The following KLHL32 variants were observed in gnomAD, a reference collection of about 807,000 sequenced individuals.
KLHL32 encodes kelch-like protein 32.
A neutral mutation model predicts 64.8 loss-of-function variants in KLHL32; 35 were observed. The ratio of observed to expected loss-of-function variants is 0.54; its 90% CI spans 0.41 to 0.72. The LOEUF is 0.72. Ranked by LOEUF, KLHL32 falls within the 30% of genes least tolerant of loss-of-function variation. The pLI is 0.00. For missense variants in KLHL32, 589 were observed against 768.5 expected (o/e 0.77, Z 2.76); for synonymous variants, 259 against 281.0 (o/e 0.92, Z 0.78).
chr6:96,925,133 C>G (rs983622324), intron 1 of KLHL32, 107 bp downstream of exon 1: 11 of 152,480 alleles, frequency 7.2e-5, no homozygotes, highest in African/African-American at 2.4e-4. Flanking sequence ...ATTTCAGGGG[C>G]TTGCAGCCCA....
At chr6:96,905,181 G>GA in the KLHL32 span, among the ~76,000 whole-genome samples, 2 of 151,468 alleles carry the variant, frequency 1.3e-5, no homozygotes, top group South Asian at 2.1e-4. Context: ...TTGGCACAGG[G>GA]AAAAAAAAGT....
At chr6:97,024,711 G>C (rs1258508348) in intron 3 of KLHL32, among the ~76,000 whole-genome samples, 1 of 152,072 alleles carries the variant, frequency 6.6e-6, no homozygotes, top group Non-Finnish European at 1.5e-5. Context: ...TAATGGTGAA[G>C]TCTGGTCTAC....
intron 10 of KLHL32, among the ~76,000 whole-genome samples, chr6:97,134,871 C>T (rs13212860): frequency 0.087 from 13,202 of 152,064 alleles, 1,069 homozygotes; most frequent in African/African-American, 0.22. Context: ...AAAAAAACTT[C>T]GTAGTCGCAT....
At chr6:96,995,298 C>T (rs1778292466) in intron 3 of KLHL32, among the ~76,000 whole-genome samples, 1 of 152,216 alleles carries the variant, frequency 6.6e-6, no homozygotes, top group Admixed American at 6.5e-5. Flanking sequence ...TGCAGGTTCA[C>T]TCACTTTTTG....
intron 4 of KLHL32, among the ~76,000 whole-genome samples, chr6:97,046,563 A>G (rs920325785): frequency 6.6e-6 from 1 of 152,232 alleles, no homozygotes; most frequent in Admixed American, 6.5e-5. Flanking sequence ...TCTTTGCCAC[A>G]GAGTAGAAGT....
intron 4 of KLHL32, among the ~76,000 whole-genome samples, chr6:97,064,399 A>G (rs968224695): frequency 6.6e-6 from 1 of 152,224 alleles, no homozygotes; most frequent in Non-Finnish European, 1.5e-5. Flanking sequence ...ACACACACAA[A>G]TGGTATCAGC....
chr6:97,101,044 G>C (rs1180013878), intron 6 of KLHL32, among the ~76,000 whole-genome samples: 1 of 146,366 alleles, frequency 6.8e-6, no homozygotes, highest in African/African-American at 2.6e-5. Context: ...CTGGGCTCAG[G>C]CAATCCTCCC....
Position 96,957,558 on chromosome 6 carries a change from A to G in KLHL32, c.-65-9438A>G, listed in dbSNP as rs1773417829. ...TGTGAAAGCTTTAAGAAATTCCTTA[A>G]TAAAAAAATTTTCATAGCAATATTT... On this transcript the variant is annotated intron_variant, in intron 1 of 10. Transcript: ENST00000369261. Among the ~76,000 whole-genome samples the G allele has an allele frequency of 2.0e-5, 3 of 152,216 alleles. No individual in the cohort carries two copies. In the South Asian group the frequency reaches 6.2e-4, roughly 32 times the overall value.
intron 3 of KLHL32, among the ~76,000 whole-genome samples, chr6:96,995,891 C>T (rs1469251731): frequency 1.3e-5 from 2 of 152,262 alleles, no homozygotes; most frequent in Non-Finnish European, 2.9e-5. Flanking sequence ...TGGCAGCCCC[C>T]TTACCAGTAA....
chr6:96,998,833 A>C (rs1778694701), intron 3 of KLHL32, among the ~76,000 whole-genome samples: 1 of 152,198 alleles, frequency 6.6e-6, no homozygotes, highest in African/African-American at 2.4e-5. Flanking sequence ...TATCATTCTT[A>C]CAGTATTTGA....
chr6:96,945,082 A>G (rs1771758228), intron 1 of KLHL32, among the ~76,000 whole-genome samples: 1 of 152,186 alleles, frequency 6.6e-6, no homozygotes, highest in South Asian at 2.1e-4. Flanking sequence ...GTCTCTTGTT[A>G]TAAACTACTT....
intron 3 of KLHL32, among the ~76,000 whole-genome samples, chr6:97,017,742 G>C (rs1781421962): frequency 6.6e-6 from 1 of 152,106 alleles, no homozygotes; most frequent in Non-Finnish European, 1.5e-5. Flanking sequence ...TATCTAGGTG[G>C]GGCCATATGA....
chr6:97,098,111 C>A (rs984719048), intron 6 of KLHL32, among the ~76,000 whole-genome samples: 6 of 152,158 alleles, frequency 3.9e-5, no homozygotes, highest in African/African-American at 1.4e-4. Flanking sequence ...AGCACCTAAT[C>A]TTGCAGCTAT....
chr6:96,898,863 C>T, the KLHL32 span, among the ~76,000 whole-genome samples: 2 of 152,174 alleles, frequency 1.3e-5, no homozygotes, highest in African/African-American at 4.8e-5. Flanking sequence ...AAGGAAGTTA[C>T]AGTATTTCTC....
In KLHL32 at chr6:97,106,705, C is replaced by T. The variant is rs538103387; in HGVS notation, c.628-7078C>T. Among the ~76,000 whole-genome samples the T allele has an allele frequency of 7.3e-5, 11 of 151,344 alleles. No individual in the cohort carries two copies. In the East Asian group the frequency reaches 2.1e-3, roughly 30 times the overall value. ...GTCGTAGTGAGCTGAGATTGCGCCA[C>T]TGCACTCCACTCCGGGTGACAGAGG... On this transcript the variant is annotated intron_variant, in intron 6 of 10. Transcript: ENST00000369261.
At chr6:97,029,926 T>G (rs1415851993) in intron 3 of KLHL32, among the ~76,000 whole-genome samples, 1 of 152,224 alleles carries the variant, frequency 6.6e-6, no homozygotes, top group Non-Finnish European at 1.5e-5. Flanking sequence ...ACAGTGGGCA[T>G]ATAGAAGATG....
chr6:96,977,754 G>T (rs7750212), intron 3 of KLHL32, among the ~76,000 whole-genome samples: 63,538 of 151,954 alleles, frequency 0.42, 13,469 homozygotes, highest in South Asian at 0.54. Flanking sequence ...AGATGCCAAA[G>T]CATAGAAGAC....
chr6:97,047,042 G>A (rs1786042411), intron 4 of KLHL32, among the ~76,000 whole-genome samples: 2 of 152,202 alleles, frequency 1.3e-5, no homozygotes, highest in Non-Finnish European at 2.9e-5. Flanking sequence ...TATAGAGTGG[G>A]AGTGATGAAT....
intron 1 of KLHL32, among the ~76,000 whole-genome samples, chr6:96,943,587 C>T (rs1350582982): frequency 6.6e-6 from 1 of 152,198 alleles, no homozygotes; most frequent in Non-Finnish European, 1.5e-5. Flanking sequence ...CTGGCTTGGC[C>T]AGTGAAACCC....
Sources: gnomAD v4.1 joint callset for allele counts (sites outside exome capture counted in the v4.1 genomes callset) on GRCh38, gnomAD v4.1.1 for gene constraint, MANE v1.5 for transcripts, NCBI Gene and HGNC (gene_info 2026-07-23, HGNC 2026-07-21) for gene names.